The following TNS2 variants were observed in gnomAD, a reference collection of about 807,000 sequenced individuals.
TNS2 encodes the protein tensin-2.
A neutral mutation model predicts 155.7 loss-of-function variants in TNS2; 77 were observed. The ratio of observed to expected loss-of-function variants is 0.49; its 90% CI spans 0.41 to 0.60. The LOEUF is 0.60. Among genes scored for constraint, TNS2 ranks in the 20% least tolerant of loss-of-function variants. The probability of loss-of-function intolerance (pLI) is 0.00; values close to 1 mark genes in which losing one functional copy is unlikely to be tolerated. For missense variants in TNS2, 1,703 were observed against 1,868.8 expected, an observed-to-expected ratio of 0.91 and a Z score of 1.64; for synonymous variants, 726 against 763.9, an observed-to-expected ratio of 0.95 and a Z score of 0.82.
chr12:53,062,171 T>C lies in TNS2; in HGVS notation c.3593T>C (p.Leu1198Pro). Residue 1198 changes from leucine to proline, a missense_variant, in exon 23 of 29, where the codon CTG becomes CCG. By Grantham distance (98) the Leu-to-Pro change is moderately conservative. Coordinates refer to ENST00000314250, the MANE Select transcript of TNS2 (RefSeq NM_170754.4). ...QPWKGDPVEQ[L>P]VRHFLIETGP... ...CTCTCAGGGGACCCCGTGGAACAGC[T>C]GGTCCGCCATTTCCTCATCGAGACT... is the stretch of plus-strand genomic sequence containing the variant. 6.2e-7 allele frequency: 1 copy of C among 1,614,044 alleles called. No individual in the cohort carries two copies. Among genetic ancestry groups the C allele is most frequent in the African/African-American group, 1.3e-5 (1 of 75,038 alleles).
At chr12:53,055,127 C>T (rs1471735853) in intron 7 of TNS2, 59 bp from the exon 8 acceptor site, 1 of 1,574,422 alleles carries the variant, frequency 6.4e-7, no homozygotes, top group South Asian at 1.1e-5. Context: ...GATCCACCTC[C>T]ACCTCGTGCC....
Position 53,050,075 on chromosome 12 carries a change from C to T in TNS2, c.-111C>T. The T allele has an allele frequency of 6.5e-7, 1 of 1,532,786 alleles. No individual in the cohort carries two copies. Among genetic ancestry groups the T allele is most frequent in the Non-Finnish European group, 8.7e-7 (1 of 1,142,906 alleles). The allele number at this position is 1,532,786 out of a possible 1,614,324, so 94.9% of individuals were successfully genotyped here. On this transcript the variant is annotated 5_prime_UTR_variant, in exon 1 of 29. Transcript: ENST00000314250. The surrounding 1 kb of genome is among the most constrained non-coding windows in gnomAD (Gnocchi z 4.7). ...CTCCTCACACCAGCCAGACAGCCTA[C>T]CCTCCGCCCAGGGGAAGCGGCTGCC...
At chr12:53,056,708 G>A (rs920867305) in intron 10 of TNS2, among the ~76,000 whole-genome samples, 1 of 152,158 alleles carries the variant, frequency 6.6e-6, no homozygotes, top group Non-Finnish European at 1.5e-5. Context: ...TGTCTGCAAC[G>A]GCCCTATTTC....
At position 53,063,362 on chromosome 12, in the gene TNS2, C is replaced by T. The variant is rs200328231; in HGVS notation, c.4006C>T (p.Arg1336Cys). ...TDNQRKLFFR[R>C]HYPVNSITFS... ...TCCTCCTTGCAGGCTCTTCTTTCGCCGCCATTATCCAGTGAACAGCATCAC... is the reference window on the plus strand; with the variant it reads ...TCCTCCTTGCAGGCTCTTCTTTCGCTGCCATTATCCAGTGAACAGCATCAC... The change falls in exon 27 of 29, where the codon CGC (arginine) becomes TGC (cysteine). Residue 1336 changes from arginine to cysteine, a missense_variant. Physicochemically the swap from Arg to Cys is radical, Grantham distance 180 (BLOSUM62 -3). Coordinates refer to ENST00000314250, the MANE Select transcript of TNS2 (RefSeq NM_170754.4). This position sits in a 1 kb window ranked among gnomAD's most constrained non-coding sequence, Gnocchi z 5.6. The T allele has an allele frequency of 6.2e-6, 10 of 1,614,046 alleles. No individual in the cohort carries two copies. The East Asian group carries it at 1.1e-4, about 18-fold the overall frequency.
intron 2 of TNS2, 38 bp from the exon 3 acceptor site, chr12:53,052,417 G>A (rs779713090): frequency 6.2e-6 from 10 of 1,613,268 alleles, no homozygotes. Flanking sequence ...TGTCCCACAG[G>A]CCCCTGCTAA....
intron 3 of TNS2, 136 bp from the exon 4 acceptor site, chr12:53,053,275 C>A: frequency 1.0e-6 from 1 of 994,534 alleles, no homozygotes; most frequent in Admixed American, 2.0e-5. Context: ...CCTTAAATAG[C>A]GCAACCTCAG....
Position 53,062,826 on chromosome 12 carries a change from C to T in TNS2, c.3823+129C>T, listed in dbSNP as rs1944425786. On this transcript the variant is annotated intron_variant, in intron 25 of 28. Coordinates refer to ENST00000314250, the MANE Select transcript of TNS2 (RefSeq NM_170754.4). The stretch of plus-strand genomic sequence containing the variant: ...GCCAACCCATGAGGGCAGGGGAGCC[C>T]CATACTGTCGGGGATGAGGAATTGG... The T allele has an allele frequency of 2.5e-6, 3 of 1,181,342 alleles. No individual in the cohort carries two copies. In the Admixed American group the frequency reaches 6.6e-5, roughly 26 times the overall value. The allele number at this position is 1,181,342 out of a possible 1,614,324, so 73.2% of individuals were successfully genotyped here.
Position 53,059,119 on chromosome 12 carries a change from C to G in TNS2, c.1478C>G (p.Thr493Ser), listed in dbSNP as rs142183380. ...YAQVQRPPRQ[T>S]PPAPSPEPPP... ...CAGGTGCAGCGGCCTCCCCGGCAGA[C>G]CCCCCCGGCACCCTCTCCAGAGCCT... The change falls in exon 18 of 29, where the codon ACC becomes AGC. Residue 493 changes from threonine to serine, a missense_variant. Transcript: ENST00000314250. This position sits in a 1 kb window ranked among gnomAD's most constrained non-coding sequence, Gnocchi z 4.7. 2.9e-4 allele frequency: 445 copies of G among 1,547,784 alleles called. No homozygotes were observed. The highest frequency in any genetic ancestry group is 3.5e-4 in the Middle Eastern group (2 of 5,742).
Position 53,058,809 on chromosome 12 carries a change from C to T in TNS2, c.1387C>T (p.His463Tyr). 1.2e-6 allele frequency: 2 copies of T among 1,613,704 alleles called. No individual in the cohort carries two copies. Among genetic ancestry groups the T allele is most frequent in the South Asian group, 1.1e-5 (1 of 91,080 alleles). The change falls in exon 17 of 29, where the codon CAC becomes TAC. Residue 463 changes from histidine (H) to tyrosine (Y), a missense_variant. By Grantham distance (83) the His-to-Tyr change is moderately conservative (BLOSUM62 2). Coordinates refer to ENST00000314250, the MANE Select transcript of TNS2 (RefSeq NM_170754.4). Reference sequence around the variant, plus strand: ...CTCCTATGAGAACTTCAACCAGCACCACGAGGACAGTGTGGATGGTGCGCA... The same window carrying T: ...CTCCTATGAGAACTTCAACCAGCACTACGAGGACAGTGTGGATGGTGCGCA... ...WDSYENFNQH[H>Y]EDSVDGSLTH...
chr12:53,059,661 C>G lies in TNS2; in HGVS notation c.2020C>G (p.Arg674Gly), dbSNP rs757091013. 2 of 1,613,212 alleles carry G rather than the reference C, an allele frequency of 1.2e-6. No homozygotes were observed. Among genetic ancestry groups the G allele is most frequent in the Non-Finnish European group, 1.7e-6 (2 of 1,179,940 alleles). The change falls in exon 18 of 29, where the codon CGG (arginine) becomes GGG (glycine). Residue 674 changes from arginine (R) to glycine (G), a missense_variant. Transcript: ENST00000314250. The surrounding 1 kb of genome is among the most constrained non-coding windows in gnomAD (Gnocchi z 4.7). Reference protein sequence around the residue: ...GDFGYRAPGYREVVILEDPGL... With the variant: ...GDFGYRAPGYGEVVILEDPGL... ...CTTTGGCTACCGCGCCCCAGGCTAC[C>G]GGGAGGTGGTCATCCTGGAGGACCC...
Position 53,060,778 on chromosome 12 carries a change from C to T in TNS2, c.2872C>T (p.Pro958Ser). 6.2e-7 allele frequency: 1 copy of T among 1,612,190 alleles called. No homozygotes were observed. The highest frequency in any genetic ancestry group is 1.1e-5 in the South Asian group (1 of 90,976). The change falls in exon 20 of 29, where the codon CCT (proline) becomes TCT (serine). Residue 958 changes from proline to serine, a missense_variant. Transcript: ENST00000314250. The surrounding 1 kb of genome is among the most constrained non-coding windows in gnomAD (Gnocchi z 6.1). ...PVSQAGTGKA[P>S]ELPSGSGPEP... is the part of the protein sequence containing the mutation. ...TTCCCAGGCAGGCACCGGAAAGGCCCCTGAGCTGCCGTCGGGAAGTGGGCC... is the reference window on the plus strand; with the variant it reads ...TTCCCAGGCAGGCACCGGAAAGGCCTCTGAGCTGCCGTCGGGAAGTGGGCC...
Position 53,050,357 on chromosome 12 carries a change from T to A in TNS2, c.75+97T>A. On this transcript the variant is annotated intron_variant, in intron 1 of 28. Coordinates refer to ENST00000314250, the MANE Select transcript of TNS2 (RefSeq NM_170754.4). This position sits in a 1 kb window ranked among gnomAD's most constrained non-coding sequence, Gnocchi z 4.7. Reference sequence around the variant, plus strand: ...AATCAGGCCAGGCCTTCTTCCCAATTTCAGCTTCCTCAGCCTTCTTCCCTG... The same window carrying A: ...AATCAGGCCAGGCCTTCTTCCCAATATCAGCTTCCTCAGCCTTCTTCCCTG... 7.3e-7 allele frequency: 1 copy of A among 1,363,216 alleles called. No individual in the cohort carries two copies. The highest frequency in any genetic ancestry group is 9.9e-7 in the Non-Finnish European group (1 of 1,010,606). 84.4% of individuals were successfully genotyped at this position (1,363,216 alleles called of 1,614,324 possible). A position where few individuals can be genotyped will look rare whatever the true frequency, so the allele number is the denominator to read the frequency against.
chr12:53,058,397 G>C lies in TNS2; in HGVS notation c.1177G>C (p.Gly393Arg). ...RVQFHTCTIH[G>R]PQLTFPKDQL... Reference sequence around the variant, plus strand: ...CCAGTTCCACACCTGCACCATCCACGGACCACAGCTCACTTTCCCCAAGGA... The same window carrying C: ...CCAGTTCCACACCTGCACCATCCACCGACCACAGCTCACTTTCCCCAAGGA... The change falls in exon 15 of 29, where the codon GGA becomes CGA. Residue 393 changes from glycine to arginine, a missense_variant. Coordinates refer to ENST00000314250, the MANE Select transcript of TNS2 (RefSeq NM_170754.4). 1.2e-6 allele frequency: 2 copies of C among 1,614,140 alleles called. No individual in the cohort carries two copies. Among genetic ancestry groups the C allele is most frequent in the Non-Finnish European group, 1.7e-6 (2 of 1,180,022 alleles).
rs773136199 is a variant in TNS2, at chr12:53,060,580, C to A, written c.2768+25C>A. 2.5e-6 allele frequency: 4 copies of A among 1,607,488 alleles called. No individual in the cohort carries two copies. Among genetic ancestry groups the A allele is most frequent in the Non-Finnish European group, 3.4e-6 (4 of 1,176,404 alleles). ...GGTATGCAGAGGGGCCGGGGATGCT[C>A]GAGTGCTTTCTTGTCCAAGCAGTTG... On this transcript the variant is annotated intron_variant, in intron 19 of 28. Coordinates refer to ENST00000314250, the MANE Select transcript of TNS2 (RefSeq NM_170754.4). This position sits in a 1 kb window ranked among gnomAD's most constrained non-coding sequence, Gnocchi z 6.1.
Position 53,051,855 on chromosome 12 carries a change from C to G in TNS2, c.76C>G (p.Pro26Ala). 1.2e-6 allele frequency: 2 copies of G among 1,611,754 alleles called. No homozygotes were observed. Among genetic ancestry groups the G allele is most frequent in the Non-Finnish European group, 1.7e-6 (2 of 1,178,670 alleles). ...CCTCTGTTTGTCCCTCCACCTTCAG[C>G]CTAGGAAAGCTGAGCCTCATAGCTT... ...RRDSSRAASR[P>A]RKAEPHSFRE... Residue 26 changes from proline to alanine, a missense_variant and splice_region_variant, in exon 2 of 29, where the codon CCT (proline) becomes GCT (alanine). Physicochemically the swap from Pro to Ala is conservative, Grantham distance 27. Coordinates refer to ENST00000314250, the MANE Select transcript of TNS2 (RefSeq NM_170754.4).
chr12:53,061,716 G>A (rs554111547), intron 21 of TNS2, 99 bp from the exon 22 acceptor site: 20 of 1,537,988 alleles, frequency 1.3e-5, no homozygotes, highest in Non-Finnish European at 1.7e-5. Context: ...TGTCAGGGCA[G>A]AGACCATGGA....
intron 6 of TNS2, 62 bp from the exon 7 acceptor site, chr12:53,054,208 G>A (rs1280899085): frequency 3.7e-6 from 6 of 1,606,438 alleles, no homozygotes; most frequent in South Asian, 2.2e-5. Context: ...CAGCCTTCCC[G>A]TCACACTAGC....
rs1944336015 is a variant in TNS2 at position 53,060,335 on chromosome 12, G to A, written c.2618-70G>A. ...TGGTGGGGAAGTCAAGGGGGAACAG[G>A]GTGAGAAACAGCTAAGCCAGACAGA... is the stretch of plus-strand genomic sequence containing the variant. On this transcript the variant is annotated intron_variant, in intron 18 of 28. Transcript: ENST00000314250. This position sits in a 1 kb window ranked among gnomAD's most constrained non-coding sequence, Gnocchi z 6.1. The A allele has an allele frequency of 6.4e-7, 1 of 1,574,140 alleles. No individual in the cohort carries two copies. The highest frequency in any genetic ancestry group is 1.3e-5 in the African/African-American group (1 of 74,490).
intron 15 of TNS2, 61 bp downstream of exon 15, chr12:53,058,506 T>C (rs760288783): frequency 3.0e-6 from 3 of 984,438 alleles, no homozygotes; most frequent in Non-Finnish European, 4.1e-6. Context: ...GGCAGGCAGG[T>C]GGCAGGCAGG....
Sources: allele counts gnomAD v4.1 joint callset (sites outside exome capture counted in the v4.1 genomes callset), GRCh38; gene constraint gnomAD v4.1.1; non-coding constraint Gnocchi (gnomAD v3.1); transcripts MANE v1.5; gene names NCBI Gene and HGNC (gene_info 2026-07-23, HGNC 2026-07-21).